TRIM62: variants seen among roughly 807,000 people sequenced by gnomAD.
TRIM62 encodes E3 ubiquitin-protein ligase TRIM62.
Under a neutral mutation model 44.2 loss-of-function variants are expected in TRIM62, and 39 were observed. The observed-to-expected ratio is 0.88, with a 90% CI of 0.68 to 1.15. TRIM62 has a LOEUF of 1.15. TRIM62 is among the 50% of genes most tolerant of loss of function. TRIM62 has a pLI of 0.00. For missense variants in TRIM62, 544 were observed against 665.5 expected (o/e 0.82, Z 2.01); for synonymous variants, 278 against 292.3 (o/e 0.95, Z 0.50).
At chr1:33,180,824 C>G (rs1332766909) in intron 1 of TRIM62, among the ~76,000 whole-genome samples, 1 of 151,350 alleles carries the variant, frequency 6.6e-6, no homozygotes, top group Non-Finnish European at 1.5e-5. Context: ...CCCAAGGCCC[C>G]GCCCCCACGG....
intron 1 of TRIM62, among the ~76,000 whole-genome samples, chr1:33,168,703 AAT>A (rs1645349898): frequency 6.6e-6 from 1 of 152,204 alleles, no homozygotes; most frequent in Non-Finnish European, 1.5e-5. Flanking sequence ...GGAGCAGAGG[AAT>A]CTTGTTTGCC....
rs1645340368 is a variant in TRIM62 at position 33,167,622 on chromosome 1, T to C, written c.409-2056A>G. ...GACTCAATGACGCTTGCTGCGTGAA[T>C]GAAGTTCCTGGAAATGGCCTCTGAG... On this transcript the variant is annotated intron_variant, in intron 1 of 4. Coordinates refer to ENST00000291416, the MANE Select transcript of TRIM62 (RefSeq NM_018207.3). The surrounding 1 kb of genome is among the most constrained non-coding windows in gnomAD (Gnocchi z 4.2). Among the ~76,000 whole-genome samples the C allele has an allele frequency of 6.6e-6, 1 of 152,184 alleles. No homozygotes were observed. Among genetic ancestry groups the C allele is most frequent in the African/African-American group, 2.4e-5 (1 of 41,434 alleles).
In TRIM62 at chr1:33,146,890, A is replaced by C; in HGVS notation, c.*287T>G. ...AAGGTAGTCCCCTGCCCCTGAGAAGATGGGGATGAGGGTTGGGCAGGGGTT... is the reference window on the plus strand; with the variant it reads ...AAGGTAGTCCCCTGCCCCTGAGAAGCTGGGGATGAGGGTTGGGCAGGGGTT... On this transcript the variant is annotated 3_prime_UTR_variant, in exon 5 of 5. Transcript: ENST00000291416. 4.6e-6 allele frequency: 2 copies of C among 438,918 alleles called. No individual in the cohort carries two copies. Among genetic ancestry groups the C allele is most frequent in the East Asian group, 4.2e-5 (1 of 23,876 alleles). 27.2% of individuals were successfully genotyped at this position (438,918 alleles called of 1,614,324 possible).
rs1425116206 is a variant in TRIM62 at position 33,161,804 on chromosome 1, C to A, written c.505-1860G>T. Among the ~76,000 whole-genome samples, 1 of 152,188 alleles carries A rather than the reference C, an allele frequency of 6.6e-6. No homozygotes were observed. Among genetic ancestry groups the A allele is most frequent in the African/African-American group, 2.4e-5 (1 of 41,428 alleles). On this transcript the variant is annotated intron_variant, in intron 2 of 4. Transcript: ENST00000291416. This position sits in a 1 kb window ranked among gnomAD's most constrained non-coding sequence, Gnocchi z 4.3. ...TCCTAGACCACTCTGCAGCACTTAG[C>A]CCACTCGCCACCCTCTCCTAGTTGA...
intron 3 of TRIM62, 109 bp from the exon 4 acceptor site, chr1:33,158,477 T>TGA: frequency 1.2e-6 from 1 of 802,232 alleles, no homozygotes; most frequent in Non-Finnish European, 2.1e-6. Flanking sequence ...TGGTCATGAG[T>TGA]GAGAAGTCTG....
rs566694026 is a variant in TRIM62, at chr1:33,159,959, C to T, written c.505-15G>A. 1.1e-5 allele frequency: 17 copies of T among 1,595,358 alleles called. No homozygotes were observed. The highest frequency in any genetic ancestry group is 4.5e-5 in the East Asian group (2 of 44,692). On this transcript the variant is annotated splice_polypyrimidine_tract_variant and intron_variant, in intron 2 of 4. Transcript: ENST00000291416. This position sits in a 1 kb window ranked among gnomAD's most constrained non-coding sequence, Gnocchi z 4.2. ...TTGGTGGAAGACTGTGGGGGACAGT[C>T]GTCAGGGGTTATGGCTGGGGGAGCA...
At position 33,165,571 on chromosome 1, in the gene TRIM62, A is replaced by AAC. The variant is rs1251909033; in HGVS notation, c.409-7_409-6dup. ...AAGTTGGTCCTTCAGCTCCCTCTGA[A>AAC]ACACACACAGGGCCGGGATGGGGGC... On this transcript the variant is annotated splice_region_variant and splice_polypyrimidine_tract_variant and intron_variant, in intron 1 of 4. Coordinates refer to ENST00000291416, the MANE Select transcript of TRIM62 (RefSeq NM_018207.3). The surrounding 1 kb of genome is among the most constrained non-coding windows in gnomAD (Gnocchi z 4.0). 1.2e-6 allele frequency: 2 copies of AAC among 1,603,698 alleles called. No homozygotes were observed. The highest frequency in any genetic ancestry group is 1.7e-6 in the Non-Finnish European group (2 of 1,174,108).
rs939504559 is a variant in TRIM62, at chr1:33,167,539, C to T, written c.409-1973G>A. Among the ~76,000 whole-genome samples, 46 of 152,194 alleles carry T rather than the reference C, an allele frequency of 3.0e-4. No individual in the cohort carries two copies. Among genetic ancestry groups the T allele is most frequent in the African/African-American group, 1.1e-3 (45 of 41,454 alleles). On this transcript the variant is annotated intron_variant, in intron 1 of 4. Coordinates refer to ENST00000291416, the MANE Select transcript of TRIM62 (RefSeq NM_018207.3). This position sits in a 1 kb window ranked among gnomAD's most constrained non-coding sequence, Gnocchi z 4.2. ...TTGGCCCACAAGTCCTCCAGGGTGG[C>T]TCCTACTGCTCCCTCTCCATATACC...
chr1:33,155,842 A>G (rs1369973769), intron 4 of TRIM62, among the ~76,000 whole-genome samples: 1 of 152,204 alleles, frequency 6.6e-6, no homozygotes, highest in Non-Finnish European at 1.5e-5. Context: ...TTGGGAAGGC[A>G]CTGATTTCCC....
Position 33,165,617 on chromosome 1 carries a change from G to T in TRIM62, c.409-51C>A. ...GGGGCAGGGGCCATGCCTGGCCCAG[G>T]CATTCAGCCCTGACCACTGCCAGGC... On this transcript the variant is annotated intron_variant, in intron 1 of 4. Coordinates refer to ENST00000291416, the MANE Select transcript of TRIM62 (RefSeq NM_018207.3). The surrounding 1 kb of genome is among the most constrained non-coding windows in gnomAD (Gnocchi z 4.0). 6.6e-7 allele frequency: 1 copy of T among 1,514,872 alleles called. No individual in the cohort carries two copies. 93.8% of individuals were successfully genotyped at this position (1,514,872 alleles called of 1,614,324 possible). A position where few individuals can be genotyped will look rare whatever the true frequency, so the allele number is the denominator to read the frequency against.
chr1:33,147,779 C>G lies in TRIM62; in HGVS notation c.878-52G>C. 2 of 1,569,654 alleles carry G rather than the reference C, an allele frequency of 1.3e-6. No homozygotes were observed. Among genetic ancestry groups the G allele is most frequent in the Non-Finnish European group, 1.7e-6 (2 of 1,154,944 alleles). ...GATGAGTGGGGAGAAGGCTGTGGAC[C>G]CACCATGCAGTGCCTTCCTGAGGGC... On this transcript the variant is annotated intron_variant, in intron 4 of 4. Coordinates refer to ENST00000291416, the MANE Select transcript of TRIM62 (RefSeq NM_018207.3). The surrounding 1 kb of genome is among the most constrained non-coding windows in gnomAD (Gnocchi z 8.1).
chr1:33,154,483 CT>C (rs796735197), intron 4 of TRIM62, among the ~76,000 whole-genome samples: 69 of 150,024 alleles, frequency 4.6e-4, no homozygotes, highest in African/African-American at 1.2e-3. Flanking sequence ...ATCTTTAGAT[CT>C]TTTTTTTTTC....
At chr1:33,149,859 G>A (rs1011884450) in intron 4 of TRIM62, among the ~76,000 whole-genome samples, 15 of 152,166 alleles carry the variant, frequency 9.9e-5, no homozygotes, top group African/African-American at 3.4e-4. Context: ...GGCAAGGACC[G>A]TGTACTGTCT....
chr1:33,151,463 G>A (rs1391202213), intron 4 of TRIM62, among the ~76,000 whole-genome samples: 1 of 152,066 alleles, frequency 6.6e-6, no homozygotes, highest in Non-Finnish European at 1.5e-5. Flanking sequence ...CTCCCTCCCC[G>A]AGGCTAGGGC....
chr1:33,152,489 T>C (rs1645113477), intron 4 of TRIM62, among the ~76,000 whole-genome samples: 1 of 150,996 alleles, frequency 6.6e-6, no homozygotes, highest in South Asian at 2.1e-4. Flanking sequence ...ATCGCTTGAA[T>C]CTGGGAGGCG....
In TRIM62 at chr1:33,147,757, G is replaced by A; in HGVS notation, c.878-30C>T. ...GGGGGTTGGAGGAGGGAGAGAAGAT[G>A]AGTGGGGAGAAGGCTGTGGACCCAC... is the stretch of plus-strand genomic sequence containing the variant. On this transcript the variant is annotated intron_variant, in intron 4 of 4. Transcript: ENST00000291416. The surrounding 1 kb of genome is among the most constrained non-coding windows in gnomAD (Gnocchi z 8.1). The A allele has an allele frequency of 2.5e-6, 4 of 1,593,898 alleles. No individual in the cohort carries two copies. Among genetic ancestry groups the A allele is most frequent in the Non-Finnish European group, 3.4e-6 (4 of 1,167,836 alleles).
chr1:33,153,287 C>T (rs997310595), intron 4 of TRIM62, among the ~76,000 whole-genome samples: 4 of 152,230 alleles, frequency 2.6e-5, no homozygotes, highest in Non-Finnish European at 5.9e-5. Flanking sequence ...GCCAACCAGG[C>T]TGCTGCTCTC....
At chr1:33,151,263 G>A (rs1289280276) in intron 4 of TRIM62, among the ~76,000 whole-genome samples, 1 of 152,100 alleles carries the variant, frequency 6.6e-6, no homozygotes. Flanking sequence ...GACAGGATGG[G>A]TACAGGGCCT....
In TRIM62 at chr1:33,147,197, T is replaced by G. The variant is rs1645031410; in HGVS notation, c.1408A>C (p.Ile470Leu). ...ANGKNVQPLR[I>L]NTVRI ...CTGGACTAGATGCGGACGGTGTTGATCCGCAGCGGCTGAACGTTCTTGCCA... is the reference window on the plus strand; with the variant it reads ...CTGGACTAGATGCGGACGGTGTTGAGCCGCAGCGGCTGAACGTTCTTGCCA... The change falls in exon 5 of 5, where the codon ATC becomes CTC. Residue 470 changes from isoleucine (I) to leucine (L), a missense_variant. Physicochemically the swap from Ile to Leu is conservative, Grantham distance 5. Coordinates refer to ENST00000291416, the MANE Select transcript of TRIM62 (RefSeq NM_018207.3). The surrounding 1 kb of genome is among the most constrained non-coding windows in gnomAD (Gnocchi z 8.1). 5.0e-6 allele frequency: 8 copies of G among 1,613,684 alleles called. No homozygotes were observed. Among genetic ancestry groups the G allele is most frequent in the Non-Finnish European group, 6.8e-6 (8 of 1,179,992 alleles).
Sources: allele counts gnomAD v4.1 joint callset (sites outside exome capture counted in the v4.1 genomes callset), GRCh38; gene constraint gnomAD v4.1.1; non-coding constraint Gnocchi (gnomAD v3.1); transcripts MANE v1.5; gene names NCBI Gene and HGNC (gene_info 2026-07-23, HGNC 2026-07-21).